CALB1: variants seen among roughly 807,000 people sequenced by gnomAD.
CALB1 encodes the protein calbindin.
Under a neutral mutation model 46.7 loss-of-function variants are expected in CALB1, and 16 were observed. That is an observed-to-expected ratio of 0.34 (90% CI 0.23 to 0.52). The LOEUF is 0.52. Among genes scored for constraint, CALB1 ranks in the 20% least tolerant of loss-of-function variants. CALB1 has a pLI of 0.95. For missense variants in CALB1, 224 were observed against 300.3 expected, an observed-to-expected ratio of 0.75 and a Z score of 1.88; for synonymous variants, 90 against 112.8, an observed-to-expected ratio of 0.80 and a Z score of 1.28.
intron 3 of CALB1, among the ~76,000 whole-genome samples, chr8:90,074,758 T>C (rs1261275999): frequency 6.6e-6 from 1 of 152,172 alleles, no homozygotes; most frequent in African/African-American, 2.4e-5. Flanking sequence ...TGTTTTTCAA[T>C]GGATGCACTG....
chr8:90,079,979 G>A (rs138258493), intron 2 of CALB1, among the ~76,000 whole-genome samples: 1 of 151,948 alleles, frequency 6.6e-6, no homozygotes, highest in African/African-American at 2.4e-5. Context: ...ATACAAGTAG[G>A]TTTAATGCAA....
intron 3 of CALB1, 137 bp from the exon 4 acceptor site, chr8:90,069,374 G>T: frequency 2.9e-6 from 2 of 682,284 alleles, no homozygotes; most frequent in Non-Finnish European, 5.3e-6. Flanking sequence ...CATTAGAGTC[G>T]GCTTTCCCTT....
In CALB1 at chr8:90,060,171, C is replaced by A. The variant is rs756278724; in HGVS notation, c.*2G>T. On this transcript the variant is annotated 3_prime_UTR_variant, in exon 11 of 11. Coordinates refer to ENST00000265431, the MANE Select transcript of CALB1 (RefSeq NM_004929.4). Reference sequence around the variant, plus strand: ...ACTAGCAAGTGGTTGCGGCCACCAACTCTAGTTATCCCCAGCACAGAGAAT... The same window carrying A: ...ACTAGCAAGTGGTTGCGGCCACCAAATCTAGTTATCCCCAGCACAGAGAAT... 2.5e-6 allele frequency: 4 copies of A among 1,596,348 alleles called. No homozygotes were observed. The highest frequency in any genetic ancestry group is 3.4e-6 in the Non-Finnish European group (4 of 1,163,954).
chr8:90,062,873 C>A (rs1338082276), intron 9 of CALB1: 1 of 425,398 alleles, frequency 2.4e-6, no homozygotes, highest in Non-Finnish European at 4.2e-6. Flanking sequence ...TAGTCACACT[C>A]ATAAAGTAGA....
At chr8:90,076,775 G>T (rs1376372951) in intron 3 of CALB1, among the ~76,000 whole-genome samples, 2 of 151,774 alleles carry the variant, frequency 1.3e-5, no homozygotes, top group Non-Finnish European at 2.9e-5. Flanking sequence ...TCAAAATAGC[G>T]CTGAAATAAT....
At chr8:90,081,212 T>G (rs1245660579) in intron 2 of CALB1, among the ~76,000 whole-genome samples, 2 of 152,238 alleles carry the variant, frequency 1.3e-5, no homozygotes, top group East Asian at 3.8e-4. Flanking sequence ...ACTAATGGCT[T>G]AAATAACGAA....
intron 1 of CALB1, chr8:90,082,362 G>GCT (rs1168354111): frequency 3.3e-6 from 2 of 601,078 alleles, no homozygotes; most frequent in Non-Finnish European, 5.9e-6. Context: ...CCCAATCCCT[G>GCT]CTCTCTCTCT....
At chr8:90,075,844 C>T (rs1030999593) in intron 3 of CALB1, among the ~76,000 whole-genome samples, 2 of 152,066 alleles carry the variant, frequency 1.3e-5, no homozygotes, top group East Asian at 3.8e-4. Flanking sequence ...ATGCCCTCTT[C>T]CAGACCCCTT....
Position 90,062,722 on chromosome 8 carries a change from G to T in CALB1, c.600+378C>A, listed in dbSNP as rs1814325868. 3.0e-5 allele frequency: 5 copies of T among 168,374 alleles called. 1 individual carries two copies. Among genetic ancestry groups the T allele is most frequent in the African/African-American group, 9.6e-5 (4 of 41,646 alleles). The allele number at this position is 168,374 out of a possible 1,614,324, so 10.4% of individuals were successfully genotyped here. On this transcript the variant is annotated intron_variant, in intron 9 of 10. Coordinates refer to ENST00000265431, the MANE Select transcript of CALB1 (RefSeq NM_004929.4). ...AAAATTGGAACTCTTGTATACATTG[G>T]TGGGAATGCAAAAATGGTGCATCCA... is the stretch of plus-strand genomic sequence containing the variant.
chr8:90,075,256 T>A (rs1407257160), intron 3 of CALB1, among the ~76,000 whole-genome samples: 2 of 152,196 alleles, frequency 1.3e-5, no homozygotes, highest in East Asian at 1.9e-4. Context: ...CTAATCTTTT[T>A]GAATGACATC....
At chr8:90,076,591 A>G (rs1488277356) in intron 3 of CALB1, among the ~76,000 whole-genome samples, 1 of 151,938 alleles carries the variant, frequency 6.6e-6, no homozygotes, top group Non-Finnish European at 1.5e-5. Context: ...TCACTTCTTT[A>G]TTTCAGACTT....
At chr8:90,078,173 C>A in intron 3 of CALB1, 200 bp downstream of exon 3, 2 of 378,244 alleles carry the variant, frequency 5.3e-6, no homozygotes, top group South Asian at 4.5e-5. Flanking sequence ...AAATTTAGGC[C>A]CTGGGTTAGG....
At chr8:90,073,497 CTG>C (rs1036354284) in intron 3 of CALB1, among the ~76,000 whole-genome samples, 1 of 152,210 alleles carries the variant, frequency 6.6e-6, no homozygotes, top group Non-Finnish European at 1.5e-5. Context: ...CCCGTTGAGA[CTG>C]TGACACAGCC....
At chr8:90,062,621 CAAT>C (rs1418015857) in intron 9 of CALB1, 1 of 151,794 alleles carries the variant, frequency 6.6e-6, no homozygotes, top group African/African-American at 2.4e-5. Flanking sequence ...TAAAAATTAA[CAAT>C]AAGATATCTC....
At chr8:90,075,493 T>TC (rs1814607410) in intron 3 of CALB1, among the ~76,000 whole-genome samples, 2 of 152,192 alleles carry the variant, frequency 1.3e-5, no homozygotes, top group African/African-American at 4.8e-5. Context: ...GGATTTTGCA[T>TC]TCCTTTATAG....
chr8:90,066,354 A>C (rs1038856540), intron 5 of CALB1, among the ~76,000 whole-genome samples: 4 of 152,090 alleles, frequency 2.6e-5, no homozygotes, highest in African/African-American at 7.2e-5. Context: ...TGCAAGAAAC[A>C]CAAGGGCCTT....
In CALB1 at chr8:90,069,021, A is replaced by G; in HGVS notation, c.349T>C (p.Phe117Leu). ...WRKYDTDHSG[F>L]IETEELKNFL... The stretch of plus-strand genomic sequence containing the variant: ...ACCTTAAGCTCCTCAGTTTCTATGA[A>G]GCCACTGTGGTCAGTATCATATTTT... Residue 117 changes from phenylalanine (F) to leucine (L), a missense_variant, in exon 5 of 11, where the codon TTC becomes CTC. Physicochemically the swap from Phe to Leu is conservative, Grantham distance 22 (BLOSUM62 0). Coordinates refer to ENST00000265431, the MANE Select transcript of CALB1 (RefSeq NM_004929.4). 6.2e-7 allele frequency: 1 copy of G among 1,613,128 alleles called. No individual in the cohort carries two copies. Among genetic ancestry groups the G allele is most frequent in the Non-Finnish European group, 8.5e-7 (1 of 1,179,646 alleles).
rs76744877 is a variant in CALB1, at chr8:90,082,314, C to A, written c.80-212G>T. The A allele has an allele frequency of 9.7e-3, 5,885 of 604,698 alleles. 254 individuals are homozygous for A. The East Asian group carries it at 0.11, about 11-fold the overall frequency. The allele number at this position is 604,698 out of a possible 1,614,324, so 37.5% of individuals were successfully genotyped here. ...AGGACAAAGGAGGATGGTTGGGGTG[C>A]TAAGCGCAGCCACAGAAACTTTGGG... is the stretch of plus-strand genomic sequence containing the variant. On this transcript the variant is annotated intron_variant, in intron 1 of 10. Transcript: ENST00000265431.
chr8:90,063,106 A>T lies in CALB1; in HGVS notation c.594T>A (p.Tyr198Ter). 6.2e-7 allele frequency: 1 copy of T among 1,605,952 alleles called. No individual in the cohort carries two copies. Among genetic ancestry groups the T allele is most frequent in the Non-Finnish European group, 8.5e-7 (1 of 1,174,214 alleles). ...AAAAGTAACAAACTTTTACCTGATC[A>T]TACAGCTCAAAAGCCTTATTGAACT... Reference protein sequence around the residue: ...GKEFNKAFELYDQDGNGYIDE... With the variant: ...GKEFNKAFEL Residue 198 changes from tyrosine to a stop codon, truncating the protein, a stop_gained, in exon 9 of 11, where the codon TAT becomes TAA. Transcript: ENST00000265431. LOFTEE classifies it high-confidence loss of function.
Sources: gnomAD v4.1 joint callset for allele counts (sites outside exome capture counted in the v4.1 genomes callset) on GRCh38, gnomAD v4.1.1 for gene constraint, MANE v1.5 for transcripts, NCBI Gene and HGNC (gene_info 2026-07-23, HGNC 2026-07-21) for gene names.